The following RASEF variants were observed in gnomAD, a reference collection of about 807,000 sequenced individuals.
RASEF encodes RAS and EF-hand domain containing, also known as ras and EF-hand domain-containing protein.
Under a neutral mutation model 90.1 loss-of-function variants are expected in RASEF, and 68 were observed. That is an observed-to-expected ratio of 0.75 (90% CI 0.62 to 0.92). The LOEUF is 0.92. RASEF is among the 40% of genes least tolerant of loss of function. The pLI is 0.00. For synonymous variants in RASEF, 331 were observed against 345.2 expected, an observed-to-expected ratio of 0.96 and a Z score of 0.46; for missense variants, 949 against 937.2, an observed-to-expected ratio of 1.01 and a Z score of -0.16.
chr9:83,078,021 C>T, the RASEF span, among the ~76,000 whole-genome samples: 2 of 152,158 alleles, frequency 1.3e-5, no homozygotes, highest in African/African-American at 4.8e-5. Flanking sequence ...CTCTGTATAA[C>T]CTCAATCACT....
chr9:83,001,771 T>C (rs1349188167), intron 9 of RASEF, among the ~76,000 whole-genome samples: 1 of 152,082 alleles, frequency 6.6e-6, no homozygotes, highest in Non-Finnish European at 1.5e-5. Context: ...TGGCAAAAAA[T>C]GATAGGCAAT....
At chr9:83,179,337 T>A in the RASEF span, among the ~76,000 whole-genome samples, 1 of 152,142 alleles carries the variant, frequency 6.6e-6, no homozygotes, top group African/African-American at 2.4e-5. Context: ...AAGCAAGGAC[T>A]CTCAAACTTT....
chr9:83,049,383 G>C, intron 1 of RASEF: 1 of 965,010 alleles, frequency 1.0e-6, no homozygotes, highest in Non-Finnish European at 1.2e-6. Context: ...GCTCATACAT[G>C]GCTATCTTGA....
At chr9:83,073,051 C>G in the RASEF span, among the ~76,000 whole-genome samples, 1 of 152,168 alleles carries the variant, frequency 6.6e-6, no homozygotes, top group African/African-American at 2.4e-5. Flanking sequence ...TCACCCAGTT[C>G]AAATTTGTGG....
chr9:83,196,460 C>T, the RASEF span, among the ~76,000 whole-genome samples: 1 of 152,136 alleles, frequency 6.6e-6, no homozygotes, highest in Non-Finnish European at 1.5e-5. Context: ...GACTCTCATC[C>T]ACAGCAGCCT....
chr9:83,135,362 A>G, the RASEF span, among the ~76,000 whole-genome samples: 1 of 152,020 alleles, frequency 6.6e-6, no homozygotes, highest in Non-Finnish European at 1.5e-5. Flanking sequence ...TGGGGGGAAG[A>G]GGGAGGGATA....
intron 3 of RASEF, among the ~76,000 whole-genome samples, chr9:83,016,922 C>A (rs995474829): frequency 6.6e-6 from 1 of 152,046 alleles, no homozygotes; most frequent in African/African-American, 2.4e-5. Context: ...TTAATTAATC[C>A]ATATAAATTA....
chr9:83,109,488 G>GCAGACGT, the RASEF span, among the ~76,000 whole-genome samples: 2 of 152,116 alleles, frequency 1.3e-5, no homozygotes, highest in African/African-American at 4.8e-5. Context: ...GAAAGCACTC[G>GCAGACGT]CAGACGTCAT....
the RASEF span, among the ~76,000 whole-genome samples, chr9:83,213,115 A>G: frequency 2.0e-5 from 3 of 151,912 alleles, no homozygotes; most frequent in African/African-American, 7.2e-5. Flanking sequence ...AAAGAAAGAA[A>G]ACAACTAGGC....
chr9:83,015,878 G>A lies in RASEF; in HGVS notation c.692C>T (p.Ala231Val). 1 of 1,613,348 alleles carries A rather than the reference G, an allele frequency of 6.2e-7. No homozygotes were observed. Among genetic ancestry groups the A allele is most frequent in the Non-Finnish European group, 8.5e-7 (1 of 1,179,580 alleles). Residue 231 changes from alanine (A) to valine (V), a missense_variant, in exon 4 of 17, where the codon GCC becomes GTC. Physicochemically the swap from Ala to Val is moderately conservative, Grantham distance 64. This residue lies in a region of RASEF where 656 missense variants were observed against 592.2 expected (regional missense o/e 1.11). Coordinates refer to ENST00000376447, the MANE Select transcript of RASEF (RefSeq NM_152573.4). The stretch of plus-strand genomic sequence containing the variant: ...ATACTGACGTCTGAGGTCACTGAGG[G>A]CTTCCTCAGCTTTGCGTTTTTCCTA... Reference protein sequence around the residue: ...RKDEKRKAEEALSDLRRQYET... With the variant: ...RKDEKRKAEEVLSDLRRQYET...
At chr9:83,061,777 T>C (rs1359648867) in intron 1 of RASEF, among the ~76,000 whole-genome samples, 1 of 152,208 alleles carries the variant, frequency 6.6e-6, no homozygotes, top group African/African-American at 2.4e-5. Flanking sequence ...AGTGAGTTTT[T>C]CAGTTCACAA....
At chr9:83,085,990 T>C in the RASEF span, among the ~76,000 whole-genome samples, 4 of 152,158 alleles carry the variant, frequency 2.6e-5, no homozygotes, top group Admixed American at 6.6e-5. Context: ...ATGACGTGTA[T>C]GTGACCCTTC....
At chr9:83,124,720 T>G in the RASEF span, among the ~76,000 whole-genome samples, 1 of 152,100 alleles carries the variant, frequency 6.6e-6, no homozygotes, top group African/African-American at 2.4e-5. Flanking sequence ...AGAAACAAAC[T>G]CAATGATTAT....
the RASEF span, among the ~76,000 whole-genome samples, chr9:83,173,927 G>A: frequency 6.6e-6 from 1 of 151,918 alleles, no homozygotes; most frequent in African/African-American, 2.4e-5. Flanking sequence ...TATGTAGATA[G>A]TTGTTCAATT....
chr9:83,163,447 T>C, the RASEF span, among the ~76,000 whole-genome samples: 1 of 152,202 alleles, frequency 6.6e-6, no homozygotes, highest in South Asian at 2.1e-4. Flanking sequence ...AAAACAACAA[T>C]GATTAATATG....
upstream of RASEF, among the ~76,000 whole-genome samples, chr9:83,065,485 C>T (rs1209785779): frequency 6.6e-6 from 1 of 152,174 alleles, no homozygotes; most frequent in East Asian, 1.9e-4. Context: ...TGTACAAGTG[C>T]TCTTCAAGCT....
At chr9:83,108,301 G>T in the RASEF span, among the ~76,000 whole-genome samples, 1 of 152,104 alleles carries the variant, frequency 6.6e-6, no homozygotes, top group Non-Finnish European at 1.5e-5. Flanking sequence ...ATATAAAAGG[G>T]AAAACTTGGA....
In RASEF at chr9:83,062,510, C is replaced by T. The variant is rs762335576; in HGVS notation, c.358G>A (p.Gly120Ser). The stretch of plus-strand genomic sequence containing the variant: ...CAAGCCCGGCCGGGACTCGCCGGGC[C>T]GCACGAGGTGGCCAGCGCCGCCGCC... ...DAAAALATSC[G>S]PASPGRAWQD... The change falls in exon 1 of 17, where the codon GGC becomes AGC. Residue 120 changes from glycine (G) to serine (S), a missense_variant. Physicochemically the swap from Gly to Ser is moderately conservative, Grantham distance 56. Coordinates refer to ENST00000376447, the MANE Select transcript of RASEF (RefSeq NM_152573.4). The T allele has an allele frequency of 3.1e-6, 5 of 1,610,826 alleles. No homozygotes were observed. The highest frequency in any genetic ancestry group is 4.2e-6 in the Non-Finnish European group (5 of 1,179,068).
chr9:83,146,714 G>A, the RASEF span, among the ~76,000 whole-genome samples: 2 of 152,152 alleles, frequency 1.3e-5, no homozygotes, highest in African/African-American at 4.8e-5. Context: ...GTTTTAAACA[G>A]TCATTGTATC....
Sources: allele counts gnomAD v4.1 joint callset (sites outside exome capture counted in the v4.1 genomes callset), GRCh38; gene constraint gnomAD v4.1.1; regional missense constraint gnomAD v4.1.1; transcripts MANE v1.5; gene names NCBI Gene and HGNC (gene_info 2026-07-23, HGNC 2026-07-21).